KLHL8: variants seen among roughly 807,000 people sequenced by gnomAD.
KLHL8 encodes the protein kelch like family member 8, also known as kelch-like protein 8.
KLHL8 carries 38 observed loss-of-function variants against 63.5 expected under a neutral mutation model. That is an observed-to-expected ratio of 0.60 (90% confidence interval 0.46 to 0.78). The LOEUF is 0.78. Ranked by LOEUF, KLHL8 falls within the 30% of genes least tolerant of loss-of-function variation. The pLI is 0.00. For missense variants in KLHL8, 566 were observed against 752.4 expected (o/e 0.75, Z 2.90); for synonymous variants, 224 against 254.3 (o/e 0.88, Z 1.13).
At chr4:87,218,881 T>C (rs1446977464) in intron 1 of KLHL8, among the ~76,000 whole-genome samples, 2 of 152,072 alleles carry the variant, frequency 1.3e-5, no homozygotes, top group African/African-American at 4.8e-5. Flanking sequence ...ACTACAGGCA[T>C]GTGCCACCAC....
Position 87,164,042 on chromosome 4 carries a change from C to T in KLHL8, c.1575G>A (p.Glu525=), listed in dbSNP as rs1730281111. 6.2e-7 allele frequency: 1 copy of T among 1,614,064 alleles called. No individual in the cohort carries two copies. The highest frequency in any genetic ancestry group is 1.1e-5 in the South Asian group (1 of 91,084). Residue 525 remains glutamate, a synonymous_variant, in exon 9 of 10, where the codon GAG becomes GAA. Coordinates refer to ENST00000273963, the MANE Select transcript of KLHL8 (RefSeq NM_020803.5). ...ACTTGTTGCTTCGGGGGTCATACCG[C>T]TCAACTGAACTCAGAGGAGAATTAT... The part of the protein sequence containing the change: ...FDDNSPLSSV[E]RYDPRSNKWD...
At chr4:87,198,526 C>T (rs1018881576) in intron 1 of KLHL8, among the ~76,000 whole-genome samples, 1 of 152,032 alleles carries the variant, frequency 6.6e-6, no homozygotes, top group African/African-American at 2.4e-5. Flanking sequence ...ATGTAACAAC[C>T]GGATGAATCT....
At chr4:87,208,673 T>C (rs1732263978) in intron 1 of KLHL8, among the ~76,000 whole-genome samples, 1 of 152,204 alleles carries the variant, frequency 6.6e-6, no homozygotes, top group Non-Finnish European at 1.5e-5. Context: ...CCATATTTTG[T>C]GTCCTATATG....
chr4:87,207,743 C>A, intron 1 of KLHL8: 2 of 861,434 alleles, frequency 2.3e-6, no homozygotes, highest in Non-Finnish European at 2.0e-6. Context: ...GTGGGAAAGG[C>A]CCTCTCTGAG....
chr4:87,189,384 A>G (rs1731388608), intron 2 of KLHL8, among the ~76,000 whole-genome samples: 1 of 152,222 alleles, frequency 6.6e-6, no homozygotes. Flanking sequence ...TTCAGTATTA[A>G]AATATGTAGA....
intron 2 of KLHL8, among the ~76,000 whole-genome samples, chr4:87,186,763 A>G (rs1007664274): frequency 5.3e-5 from 8 of 152,284 alleles, no homozygotes; most frequent in Non-Finnish European, 7.4e-5. Flanking sequence ...TACAGGCATG[A>G]GCCACAGAGC....
chr4:87,172,244 A>C (rs898855574), intron 6 of KLHL8, among the ~76,000 whole-genome samples: 31 of 152,332 alleles, frequency 2.0e-4, no homozygotes, highest in African/African-American at 7.2e-4. Flanking sequence ...AGTGACTTGT[A>C]GCCAACAGCC....
intron 4 of KLHL8, among the ~76,000 whole-genome samples, chr4:87,180,913 A>G (rs1731026230): frequency 6.6e-6 from 1 of 152,068 alleles, no homozygotes; most frequent in African/African-American, 2.4e-5. Context: ...GTATGTGCCT[A>G]TGATTCCAGC....
upstream of KLHL8, among the ~76,000 whole-genome samples, chr4:87,222,800 T>C (rs1435027330): frequency 6.6e-6 from 1 of 151,244 alleles, no homozygotes; most frequent in Non-Finnish European, 1.5e-5. Context: ...GCCAGGCTGG[T>C]CTCGAACACC....
intron 2 of KLHL8, among the ~76,000 whole-genome samples, chr4:87,186,115 T>C (rs1731243902): frequency 6.6e-6 from 1 of 152,092 alleles, no homozygotes; most frequent in Non-Finnish European, 1.5e-5. Context: ...CTCAGCTCAC[T>C]GCAACCTCTG....
chr4:87,198,058 C>T (rs1731770058), intron 1 of KLHL8, among the ~76,000 whole-genome samples: 1 of 150,408 alleles, frequency 6.6e-6, no homozygotes, highest in East Asian at 1.9e-4. Flanking sequence ...GTGGCTCATG[C>T]CTATAATCCC....
intron 1 of KLHL8, among the ~76,000 whole-genome samples, chr4:87,235,918 G>A (rs1446720136): frequency 1.3e-5 from 2 of 152,164 alleles, no homozygotes; most frequent in Non-Finnish European, 2.9e-5. Flanking sequence ...TGCGGGGGAA[G>A]GGGGAATCGA....
intron 1 of KLHL8, chr4:87,207,560 C>A: frequency 8.8e-7 from 1 of 1,134,526 alleles, no homozygotes. Flanking sequence ...TGCTTAGCGC[C>A]CCTGGCCAAT....
chr4:87,196,835 C>T (rs947462721), intron 1 of KLHL8, among the ~76,000 whole-genome samples: 6 of 152,080 alleles, frequency 3.9e-5, no homozygotes, highest in Non-Finnish European at 8.8e-5. Flanking sequence ...TTTACTAATC[C>T]TCAGTTTCTT....
intron 1 of KLHL8, chr4:87,207,882 G>C: frequency 6.5e-7 from 1 of 1,530,086 alleles, no homozygotes; most frequent in Non-Finnish European, 9.0e-7. Flanking sequence ...AGCAGACATC[G>C]GAGGGCCCCC....
chr4:87,206,477 T>G, intron 1 of KLHL8, among the ~76,000 whole-genome samples: 1 of 152,218 alleles, frequency 6.6e-6, no homozygotes. Context: ...GAAAAACTAC[T>G]TATTAAACCA....
intron 8 of KLHL8, among the ~76,000 whole-genome samples, chr4:87,168,686 GTA>G (rs545015258): frequency 1.4e-5 from 2 of 145,428 alleles, no homozygotes; most frequent in East Asian, 2.0e-4. Context: ...ATATATGTGT[GTA>G]TATATATACG....
intron 1 of KLHL8, among the ~76,000 whole-genome samples, chr4:87,218,242 C>CTTTTT (rs538856327): frequency 6.9e-6 from 1 of 145,450 alleles, no homozygotes. Context: ...ATTTACCCAA[C>CTTTTT]TTTTTTTTTT....
chr4:87,168,962 TAAAA>T lies in KLHL8; in HGVS notation c.1537+1113_1537+1116del, dbSNP rs35255534. On this transcript the variant is annotated intron_variant, in intron 8 of 9. Coordinates refer to ENST00000273963, the MANE Select transcript of KLHL8 (RefSeq NM_020803.5). ...GTTTGGTAATAAAAGATTGTTAAAG[TAAAA>T]AAAAAAAAAAAAGCAATATAAACAT... Among the ~76,000 whole-genome samples, 8 of 122,960 alleles carry T rather than the reference TAAAA, an allele frequency of 6.5e-5. No individual in the cohort carries two copies. The East Asian group carries it at 1.4e-3, about 22-fold the overall frequency. The allele number at this position is 122,960 out of a possible 152,430, so 80.7% of individuals were successfully genotyped here.
Sources: allele counts gnomAD v4.1 joint callset (sites outside exome capture counted in the v4.1 genomes callset), GRCh38; gene constraint gnomAD v4.1.1; transcripts MANE v1.5; gene names NCBI Gene and HGNC (gene_info 2026-07-23, HGNC 2026-07-21).